The following RBFOX1 variants were observed in gnomAD, a reference collection of about 807,000 sequenced individuals.
The protein encoded by RBFOX1 is RNA binding fox-1 homolog 1, also known as RNA binding protein fox-1 homolog 1.
RBFOX1 carries 8 observed loss-of-function variants against 57.7 expected under a neutral mutation model. The ratio of observed to expected loss-of-function variants is 0.14; its 90% CI spans 0.08 to 0.25. The LOEUF is 0.25. Among genes scored for constraint, RBFOX1 ranks in the 10% least tolerant of loss-of-function variants. The pLI is 1.00. For synonymous variants in RBFOX1, 326 were observed against 222.4 expected (o/e 1.47, Z -4.15); for missense variants, 611 against 548.5 (o/e 1.11, Z -1.14).
At chr16:5,903,089 G>A (rs1567691782) in intron 4 of RBFOX1, among the ~76,000 whole-genome samples, 1 of 151,894 alleles carries the variant, frequency 6.6e-6, no homozygotes, top group African/African-American at 2.4e-5. Context: ...GTATTAGATG[G>A]GTGTGTGTGG....
chr16:7,187,464 C>T (rs1251787720), intron 4 of RBFOX1, among the ~76,000 whole-genome samples: 2 of 151,272 alleles, frequency 1.3e-5, no homozygotes, highest in African/African-American at 2.4e-5. Context: ...CCAAGGCGGG[C>T]TAATCACGAG....
intron 1 of RBFOX1, among the ~76,000 whole-genome samples, chr16:5,457,014 G>A (rs577196950): frequency 1.3e-5 from 2 of 152,310 alleles, no homozygotes; most frequent in East Asian, 3.9e-4. Context: ...AGTTCTAAAG[G>A]CTGGGAATTC....
At chr16:6,715,448 A>G (rs1603452012) in intron 3 of RBFOX1, among the ~76,000 whole-genome samples, 1 of 152,166 alleles carries the variant, frequency 6.6e-6, no homozygotes. Context: ...TAGTAAACAA[A>G]TGATTGCCAA....
intron 4 of RBFOX1, among the ~76,000 whole-genome samples, chr16:7,193,781 C>T (rs1056287939): frequency 6.6e-6 from 1 of 152,196 alleles, no homozygotes; most frequent in African/African-American, 2.4e-5. Context: ...GTACTAGACT[C>T]TAGCACAACA....
chr16:6,669,592 G>T (rs1338781774), intron 3 of RBFOX1, among the ~76,000 whole-genome samples: 1 of 152,084 alleles, frequency 6.6e-6, no homozygotes, highest in African/African-American at 2.4e-5. Flanking sequence ...AGAATCAAGT[G>T]AATTAACACA....
At chr16:6,790,410 C>G (rs537723987) in intron 3 of RBFOX1, among the ~76,000 whole-genome samples, 4 of 152,032 alleles carry the variant, frequency 2.6e-5, no homozygotes, top group African/African-American at 4.8e-5. Flanking sequence ...GTCTTGAACT[C>G]CTGACCTCAG....
chr16:7,184,432 A>G (rs1034376803), intron 4 of RBFOX1, among the ~76,000 whole-genome samples: 1 of 152,158 alleles, frequency 6.6e-6, no homozygotes, highest in Non-Finnish European at 1.5e-5. Context: ...ATCCACAAAC[A>G]CCTCATGACC....
intron 4 of RBFOX1, among the ~76,000 whole-genome samples, chr16:7,214,610 T>A (rs2091724457): frequency 6.6e-6 from 1 of 152,046 alleles, no homozygotes. Flanking sequence ...GTAATAACTT[T>A]TAGTACAAAT....
intron 4 of RBFOX1, among the ~76,000 whole-genome samples, chr16:6,010,281 G>C (rs1383816548): frequency 2.6e-5 from 4 of 152,292 alleles, no homozygotes; most frequent in African/African-American, 9.6e-5. Context: ...CCCCTCCCCA[G>C]GATAACCAAC....
intron 1 of RBFOX1, among the ~76,000 whole-genome samples, chr16:6,261,271 G>T (rs903998495): frequency 2.0e-5 from 3 of 152,210 alleles, no homozygotes; most frequent in African/African-American, 7.2e-5. Context: ...TATCCTCATT[G>T]TGTGTGTTTC....
chr16:6,502,695 T>A (rs1334718494), intron 2 of RBFOX1, among the ~76,000 whole-genome samples: 1 of 152,170 alleles, frequency 6.6e-6, no homozygotes, highest in Non-Finnish European at 1.5e-5. Context: ...CTCTGCTAAT[T>A]TTTGCCATTA....
At chr16:6,553,743 G>T (rs924692545) in intron 2 of RBFOX1, among the ~76,000 whole-genome samples, 1 of 152,262 alleles carries the variant, frequency 6.6e-6, no homozygotes. Context: ...GACAGCAAAA[G>T]GTGATAGGAG....
At chr16:6,389,337 A>G (rs1390045577) in intron 2 of RBFOX1, among the ~76,000 whole-genome samples, 1 of 147,818 alleles carries the variant, frequency 6.8e-6, no homozygotes, top group Non-Finnish European at 1.5e-5. Flanking sequence ...CCTGCCCACC[A>G]CTAGCTTACA....
At chr16:6,166,866 C>T (rs111769063) in intron 1 of RBFOX1, among the ~76,000 whole-genome samples, 5 of 152,002 alleles carry the variant, frequency 3.3e-5, no homozygotes, top group African/African-American at 4.8e-5. Flanking sequence ...CTCCACCTCC[C>T]GGGTTCAAGC....
intron 4 of RBFOX1, among the ~76,000 whole-genome samples, chr16:7,173,844 C>T (rs992431605): frequency 3.2e-4 from 49 of 152,244 alleles, no homozygotes; most frequent in East Asian, 1.9e-4. Context: ...AATACTGTGA[C>T]GTTGAATCAT....
chr16:6,268,853 A>G lies in RBFOX1; in HGVS notation c.-126-48142A>G, dbSNP rs549315822. On this transcript the variant is annotated intron_variant, in intron 1 of 15. Transcript: ENST00000550418. ...CAGAGAACAAACAAAATGCCTAAACAGAAGTGCAGTCTTCCCGCAGTATCA... is the reference window on the plus strand; with the variant it reads ...CAGAGAACAAACAAAATGCCTAAACGGAAGTGCAGTCTTCCCGCAGTATCA... Among the ~76,000 whole-genome samples the G allele has an allele frequency of 3.9e-5, 6 of 152,356 alleles. No homozygotes were observed. The South Asian group carries it at 1.2e-3, about 32-fold the overall frequency.
At chr16:5,314,458 G>T (rs909604568) in intron 1 of RBFOX1, among the ~76,000 whole-genome samples, 2 of 152,218 alleles carry the variant, frequency 1.3e-5, no homozygotes, top group African/African-American at 4.8e-5. Flanking sequence ...ACTAGGTGCA[G>T]CAGGCACAGT....
At chr16:7,039,436 A>G (rs1310462538) in intron 3 of RBFOX1, among the ~76,000 whole-genome samples, 2 of 152,138 alleles carry the variant, frequency 1.3e-5, no homozygotes, top group Non-Finnish European at 2.9e-5. Context: ...TCTCAAGTGT[A>G]TTTTGTTCGT....
intron 2 of RBFOX1, among the ~76,000 whole-genome samples, chr16:6,503,337 G>T (rs933970236): frequency 1.3e-5 from 2 of 152,166 alleles, no homozygotes; most frequent in Non-Finnish European, 2.9e-5. Context: ...GATTGTAGAA[G>T]CCTGGGGAGT....
Sources: gnomAD v4.1 joint callset for allele counts (sites outside exome capture counted in the v4.1 genomes callset) on GRCh38, gnomAD v4.1.1 for gene constraint, MANE v1.5 for transcripts, NCBI Gene and HGNC (gene_info 2026-07-23, HGNC 2026-07-21) for gene names.